Variants in KSR2 observed in about 807,000 individuals in gnomAD.
The protein encoded by KSR2 is kinase suppressor of ras 2.
In KSR2, 25 loss-of-function variants were observed where a neutral mutation model predicts 107.8. The observed-to-expected ratio is 0.23, with a 90% confidence interval of 0.17 to 0.32. The LOEUF is 0.32. KSR2 is among the 10% of genes least tolerant of loss of function. The pLI is 1.00. For synonymous variants in KSR2, 480 were observed against 507.0 expected, an observed-to-expected ratio of 0.95 and a Z score of 0.71; for missense variants, 887 against 1,268.9, an observed-to-expected ratio of 0.70 and a Z score of 4.57.
intron 3 of KSR2, among the ~76,000 whole-genome samples, chr12:117,765,071 G>T (rs1047666156): frequency 6.6e-6 from 1 of 152,142 alleles, no homozygotes; most frequent in African/African-American, 2.4e-5. Flanking sequence ...CTCACCCTTT[G>T]TACAGTGAGG....
intron 9 of KSR2, among the ~76,000 whole-genome samples, chr12:117,546,797 GTAT>G (rs1876902359): frequency 6.6e-6 from 1 of 152,094 alleles, no homozygotes; most frequent in Non-Finnish European, 1.5e-5. Flanking sequence ...TTTTCTAATT[GTAT>G]GTTCTAAATT....
intron 3 of KSR2, among the ~76,000 whole-genome samples, chr12:117,831,716 A>G (rs1018999612): frequency 2.6e-5 from 4 of 152,354 alleles, no homozygotes; most frequent in African/African-American, 9.6e-5. Flanking sequence ...AAACAACCCA[A>G]GAGGTAGGGA....
chr12:117,651,951 A>C (rs966572942), intron 5 of KSR2, among the ~76,000 whole-genome samples: 1 of 152,256 alleles, frequency 6.6e-6, no homozygotes, highest in Non-Finnish European at 1.5e-5. Flanking sequence ...GCAAGGGCCA[A>C]GTGGCAGCAC....
At chr12:117,747,814 G>A (rs1013849694) in intron 4 of KSR2, among the ~76,000 whole-genome samples, 3 of 152,134 alleles carry the variant, frequency 2.0e-5, no homozygotes, top group Non-Finnish European at 4.4e-5. Context: ...AAGTCATAGA[G>A]AGGATGTGGG....
At chr12:117,775,061 T>C (rs560075713) in intron 3 of KSR2, among the ~76,000 whole-genome samples, 1 of 152,240 alleles carries the variant, frequency 6.6e-6, no homozygotes, top group Non-Finnish European at 1.5e-5. Context: ...CCTCAGCTGA[T>C]GGACATTTAA....
At chr12:117,581,987 G>C (rs1179865407) in intron 6 of KSR2, among the ~76,000 whole-genome samples, 2 of 152,220 alleles carry the variant, frequency 1.3e-5, no homozygotes, top group African/African-American at 2.4e-5. Context: ...GAAAGGTTAA[G>C]TAACTTCCTC....
chr12:117,764,300 T>C (rs993542902), intron 3 of KSR2, among the ~76,000 whole-genome samples: 2 of 152,134 alleles, frequency 1.3e-5, no homozygotes, highest in East Asian at 3.8e-4. Context: ...GTTCATTGTC[T>C]GTTTTCTTCA....
intron 5 of KSR2, among the ~76,000 whole-genome samples, chr12:117,583,139 G>A (rs1177400187): frequency 6.6e-6 from 1 of 152,036 alleles, no homozygotes; most frequent in East Asian, 1.9e-4. Context: ...TGGATAGGAT[G>A]GATGGATAGG....
chr12:117,799,737 T>C (rs908599047), intron 3 of KSR2, among the ~76,000 whole-genome samples: 3 of 152,130 alleles, frequency 2.0e-5, no homozygotes, highest in African/African-American at 7.2e-5. Flanking sequence ...TGTTTTCTAA[T>C]CTATAATAGT....
At chr12:117,943,979 T>G (rs1357233465) in intron 1 of KSR2, among the ~76,000 whole-genome samples, 1 of 152,172 alleles carries the variant, frequency 6.6e-6, no homozygotes, top group East Asian at 1.9e-4. Flanking sequence ...GATTGTGCCT[T>G]TCACCTTTCA....
At chr12:117,538,178 C>T (rs1415724977) in intron 10 of KSR2, among the ~76,000 whole-genome samples, 1 of 151,666 alleles carries the variant, frequency 6.6e-6, no homozygotes. Flanking sequence ...AGCCTTCTGT[C>T]TGTGGAAGTG....
In KSR2 at chr12:117,611,407, A is replaced by C. The variant is rs552248723; in HGVS notation, c.1172-29048T>G. Among the ~76,000 whole-genome samples the C allele has an allele frequency of 8.8e-4, 83 of 94,116 alleles. 2 individuals are homozygous for C. The South Asian group carries it at 0.034, about 39-fold the overall frequency. The allele number at this position is 94,116 out of a possible 152,430, so 61.7% of individuals were successfully genotyped here. A position where few individuals can be genotyped will look rare whatever the true frequency, so the allele number is the denominator to read the frequency against. On this transcript the variant is annotated intron_variant, in intron 5 of 19. Coordinates refer to ENST00000339824, the MANE Select transcript of KSR2 (RefSeq NM_173598.6). ...TCAAGGTGTGCATCTGAGCTTCATG[A>C]AATGTTGTCAATACTTGAAAAGGCA...
At chr12:117,791,142 C>T (rs902387076) in intron 3 of KSR2, among the ~76,000 whole-genome samples, 2 of 152,136 alleles carry the variant, frequency 1.3e-5, no homozygotes, top group Non-Finnish European at 2.9e-5. Flanking sequence ...CTCTCATCTC[C>T]TGCCACACTG....
intron 4 of KSR2, among the ~76,000 whole-genome samples, chr12:117,732,576 C>T (rs1887775673): frequency 6.6e-6 from 1 of 152,186 alleles, no homozygotes; most frequent in South Asian, 2.1e-4. Context: ...AGGTGTGAGC[C>T]ACAGCGCCTG....
chr12:117,891,864 G>A (rs1894353188), intron 1 of KSR2, among the ~76,000 whole-genome samples: 1 of 152,056 alleles, frequency 6.6e-6, no homozygotes, highest in Admixed American at 6.6e-5. Flanking sequence ...GCTAGGCATG[G>A]TGGTGCACAC....
rs1289940539 is a variant in KSR2 at position 117,855,453 on chromosome 12, G to A, written c.447C>T (p.Ser149=). Residue 149 remains serine, a synonymous_variant, in exon 3 of 20, where the codon TCC becomes TCT. Coordinates refer to ENST00000339824, the MANE Select transcript of KSR2 (RefSeq NM_173598.6). ...CTGACATGTGGACATTCCTGAGGCA[G>A]GAGAGGGAGGCGTTGAGGCGGGCAC... ...EECARLNASL[S]CLRNVHMSGG... is the part of the protein sequence containing the mutation. 4 of 1,614,060 alleles carry A rather than the reference G, an allele frequency of 2.5e-6. No individual in the cohort carries two copies. The highest frequency in any genetic ancestry group is 3.3e-5 in the Admixed American group (2 of 60,032).
chr12:117,947,631 T>C (rs1271074087), intron 1 of KSR2, among the ~76,000 whole-genome samples: 1 of 151,168 alleles, frequency 6.6e-6, no homozygotes, highest in Non-Finnish European at 1.5e-5. Flanking sequence ...GAAAAATCCA[T>C]GGAATCCAGG....
intron 4 of KSR2, among the ~76,000 whole-genome samples, chr12:117,686,581 G>C (rs1177626893): frequency 6.6e-6 from 1 of 152,026 alleles, no homozygotes; most frequent in African/African-American, 2.4e-5. Context: ...AAAGCTCATT[G>C]TCATCTGGAT....
chr12:117,857,510 GA>G (rs1480739715), intron 2 of KSR2, among the ~76,000 whole-genome samples: 1 of 151,934 alleles, frequency 6.6e-6, no homozygotes, highest in Admixed American at 6.6e-5. Context: ...CTTAAGTTCA[GA>G]AAAAAATCAT....
Sources: gnomAD v4.1 joint callset for allele counts (sites outside exome capture counted in the v4.1 genomes callset) on GRCh38, gnomAD v4.1.1 for gene constraint, MANE v1.5 for transcripts, NCBI Gene and HGNC (gene_info 2026-07-23, HGNC 2026-07-21) for gene names.